The following ATRNL1 variants were observed in gnomAD, a reference collection of about 807,000 sequenced individuals.
ATRNL1 encodes the protein attractin like 1.
A neutral mutation model predicts 182.7 loss-of-function variants in ATRNL1; 95 were observed. The ratio of observed to expected loss-of-function variants is 0.52; its 90% CI spans 0.44 to 0.62. ATRNL1 has a LOEUF of 0.62. Among genes scored for constraint, ATRNL1 ranks in the 20% least tolerant of loss-of-function variants. The pLI, the probability that ATRNL1 is intolerant of heterozygous loss-of-function variation, is 0.00. For synonymous variants in ATRNL1, 576 were observed against 568.3 expected (o/e 1.01, Z -0.19); for missense variants, 1,471 against 1,679.5 (o/e 0.88, Z 2.17).
intron 27 of ATRNL1, among the ~76,000 whole-genome samples, chr10:115,755,766 C>G (rs564203157): frequency 2.6e-5 from 4 of 152,160 alleles, no homozygotes; most frequent in Admixed American, 2.6e-4. Context: ...CTTTGTACCT[C>G]TGGTAGAATT....
chr10:115,534,300 C>T (rs1851811855), intron 25 of ATRNL1, among the ~76,000 whole-genome samples: 1 of 151,774 alleles, frequency 6.6e-6, no homozygotes, highest in African/African-American at 2.4e-5. Context: ...GTATTGGGTG[C>T]ATATATATTT....
chr10:115,412,250 TC>T (rs1845175911), intron 20 of ATRNL1, among the ~76,000 whole-genome samples: 1 of 152,080 alleles, frequency 6.6e-6, no homozygotes, highest in Non-Finnish European at 1.5e-5. Context: ...ACCAAGGCCC[TC>T]GGTCCTATAG....
intron 21 of ATRNL1, among the ~76,000 whole-genome samples, chr10:115,431,705 G>A (rs1554964011): frequency 6.6e-6 from 1 of 152,082 alleles, no homozygotes; most frequent in Non-Finnish European, 1.5e-5. Context: ...TAATCCGTGT[G>A]CAATTATTAT....
chr10:115,517,091 T>A (rs1336709098), intron 24 of ATRNL1, among the ~76,000 whole-genome samples: 2 of 152,012 alleles, frequency 1.3e-5, no homozygotes, highest in Non-Finnish European at 2.9e-5. Context: ...ATGATTTAAA[T>A]GATTTAAGTA....
At chr10:115,095,254 A>C (rs1253036862) in intron 1 of ATRNL1, among the ~76,000 whole-genome samples, 1 of 152,152 alleles carries the variant, frequency 6.6e-6, no homozygotes, top group Non-Finnish European at 1.5e-5. Flanking sequence ...TGATAGCCAA[A>C]ATCTAGGTGA....
intron 19 of ATRNL1, among the ~76,000 whole-genome samples, chr10:115,335,607 A>G (rs1442829140): frequency 6.6e-6 from 1 of 152,224 alleles, no homozygotes; most frequent in Non-Finnish European, 1.5e-5. Context: ...GTACCTTGGT[A>G]TCCATGCGGA....
chr10:115,897,528 T>G (rs1038151895), intron 28 of ATRNL1, among the ~76,000 whole-genome samples: 21 of 152,188 alleles, frequency 1.4e-4, no homozygotes, highest in African/African-American at 4.6e-4. Flanking sequence ...GCTTAAATGC[T>G]TAGAGGGATC....
intron 24 of ATRNL1, among the ~76,000 whole-genome samples, chr10:115,470,625 T>A (rs1011654360): frequency 6.6e-6 from 1 of 150,552 alleles, no homozygotes; most frequent in South Asian, 2.1e-4. Context: ...TGAAAAAAAA[T>A]TACATAGTTA....
At chr10:115,871,608 C>T (rs1288683172) in intron 28 of ATRNL1, among the ~76,000 whole-genome samples, 1 of 151,464 alleles carries the variant, frequency 6.6e-6, no homozygotes, top group Non-Finnish European at 1.5e-5. Context: ...CTCAAAGAAG[C>T]AGGAACTGCT....
At position 115,199,309 on chromosome 10, in the gene ATRNL1, T is replaced by C. The variant is rs1307585732; in HGVS notation, c.1349-16388T>C. The stretch of plus-strand genomic sequence containing the variant: ...TGTTTCGGCTGGGTGCAGTGGCTCC[T>C]GTAATCCCAGCACTTTGGAGGCCAA... On this transcript the variant is annotated intron_variant, in intron 8 of 28. Transcript: ENST00000355044. 3.9e-5 allele frequency among the ~76,000 whole-genome samples: 6 copies of C among 152,214 alleles called. No homozygotes were observed. The South Asian group carries it at 1.2e-3, about 32-fold the overall frequency.
In ATRNL1 at chr10:115,303,221, G is replaced by GTTT. The variant is rs5788103; in HGVS notation, c.2818+1197_2818+1199dup. On this transcript the variant is annotated intron_variant, in intron 17 of 28. Transcript: ENST00000355044. ...CACCTGAGATAAAGTTGGTATGCAG[G>GTTT]TTTTTTTTTTTTTTTTTTTTTGAGA... Among the ~76,000 whole-genome samples the GTTT allele has an allele frequency of 8.0e-4, 86 of 106,980 alleles. 1 individual carries two copies. Among genetic ancestry groups the GTTT allele is most frequent in the Non-Finnish European group, 9.4e-4 (55 of 58,796 alleles). The allele number at this position is 106,980 out of a possible 152,430, so 70.2% of individuals were successfully genotyped here. A position where few individuals can be genotyped will look rare whatever the true frequency, so the allele number is the denominator to read the frequency against.
At chr10:115,294,268 G>A (rs1307749631) in intron 15 of ATRNL1, among the ~76,000 whole-genome samples, 1 of 152,170 alleles carries the variant, frequency 6.6e-6, no homozygotes, top group African/African-American at 2.4e-5. Flanking sequence ...AGGATCACTT[G>A]TAAGCCCAGG....
At chr10:115,402,788 C>T (rs1554957277) in intron 20 of ATRNL1, among the ~76,000 whole-genome samples, 1 of 152,072 alleles carries the variant, frequency 6.6e-6, no homozygotes, top group Admixed American at 6.6e-5. Flanking sequence ...TATACCTTTC[C>T]CATTTACTGA....
intron 27 of ATRNL1, among the ~76,000 whole-genome samples, chr10:115,810,715 G>C (rs1950027938): frequency 6.6e-6 from 1 of 151,624 alleles, no homozygotes; most frequent in Non-Finnish European, 1.5e-5. Flanking sequence ...TATAGTTCTT[G>C]AGTGAGTTTT....
intron 14 of ATRNL1, among the ~76,000 whole-genome samples, chr10:115,283,899 A>C (rs1277840374): frequency 1.3e-5 from 2 of 152,162 alleles, no homozygotes; most frequent in African/African-American, 4.8e-5. Context: ...TTATTTTGGA[A>C]ATGTAATGAA....
chr10:115,141,855 T>G (rs1269494292), intron 5 of ATRNL1, among the ~76,000 whole-genome samples: 1 of 152,166 alleles, frequency 6.6e-6, no homozygotes, highest in African/African-American at 2.4e-5. Flanking sequence ...AAAATTAAAT[T>G]TTTACTCTTA....
chr10:115,489,574 G>A (rs575662749), intron 24 of ATRNL1, among the ~76,000 whole-genome samples: 6 of 152,136 alleles, frequency 3.9e-5, no homozygotes, highest in South Asian at 2.1e-4. Context: ...CTTTCCATTT[G>A]CTTGGTAAAT....
At chr10:115,214,911 G>A (rs1377152909) in intron 8 of ATRNL1, among the ~76,000 whole-genome samples, 3 of 152,128 alleles carry the variant, frequency 2.0e-5, no homozygotes, top group Non-Finnish European at 4.4e-5. Context: ...AGATACCAAA[G>A]GGAAGGGATC....
chr10:115,917,364 GGAGGCT>G (rs1952895186), intron 28 of ATRNL1, among the ~76,000 whole-genome samples: 1 of 151,532 alleles, frequency 6.6e-6, no homozygotes, highest in Admixed American at 6.6e-5. Flanking sequence ...CAGCTACTCG[GGAGGCT>G]GAGGCAGGAG....
Sources: allele counts gnomAD v4.1 joint callset (sites outside exome capture counted in the v4.1 genomes callset), GRCh38; gene constraint gnomAD v4.1.1; transcripts MANE v1.5; gene names NCBI Gene and HGNC (gene_info 2026-07-23, HGNC 2026-07-21).